CHN2: variants seen among roughly 807,000 people sequenced by gnomAD.
CHN2 encodes beta-chimaerin.
Under a neutral mutation model 56.3 loss-of-function variants are expected in CHN2, and 35 were observed. That is an observed-to-expected ratio of 0.62 (90% CI 0.47 to 0.82). CHN2 has a LOEUF of 0.82. Among genes scored for constraint, CHN2 ranks in the 40% least tolerant of loss-of-function variants. The pLI, the probability that CHN2 is intolerant of heterozygous loss-of-function variation, is 0.00. For synonymous variants in CHN2, 210 were observed against 212.8 expected (o/e 0.99, Z 0.12); for missense variants, 491 against 580.5 (o/e 0.85, Z 1.58).
At chr7:29,476,849 A>T (rs2128536681) in intron 6 of CHN2, among the ~76,000 whole-genome samples, 1 of 152,212 alleles carries the variant, frequency 6.6e-6, no homozygotes, top group Middle Eastern at 3.4e-3. Flanking sequence ...GGCCCAAAAG[A>T]CCATTCGTTC....
At chr7:29,208,005 A>G (rs1192951243) in intron 1 of CHN2, among the ~76,000 whole-genome samples, 2 of 152,228 alleles carry the variant, frequency 1.3e-5, no homozygotes, top group African/African-American at 4.8e-5. Context: ...GTTCACTGTA[A>G]GGAACCTAGT....
intron 6 of CHN2, among the ~76,000 whole-genome samples, chr7:29,453,524 C>G (rs7782537): frequency 0.12 from 18,687 of 152,106 alleles, 1,286 homozygotes; most frequent in South Asian, 0.2. Context: ...CTCTCCAGCT[C>G]TGAGAGAGAG....
intron 12 of CHN2, among the ~76,000 whole-genome samples, chr7:29,510,880 CAG>C (rs1264167879): frequency 6.6e-6 from 1 of 152,128 alleles, no homozygotes; most frequent in African/African-American, 2.4e-5. Context: ...GTGTGGGAGA[CAG>C]AGATGGAGAC....
chr7:29,288,664 G>C (rs1435358012), intron 1 of CHN2, among the ~76,000 whole-genome samples: 1 of 152,194 alleles, frequency 6.6e-6, no homozygotes, highest in Admixed American at 6.5e-5. Flanking sequence ...AGCACACAGA[G>C]AGGAACAATA....
chr7:29,202,988 A>T (rs568107991), intron 1 of CHN2, among the ~76,000 whole-genome samples: 2 of 152,142 alleles, frequency 1.3e-5, no homozygotes, highest in South Asian at 4.1e-4. Context: ...CAAGACCTAG[A>T]CCTGCACAGT....
intron 4 of CHN2, among the ~76,000 whole-genome samples, chr7:29,394,362 A>G (rs181779676): frequency 6.6e-6 from 1 of 152,344 alleles, no homozygotes; most frequent in African/African-American, 2.4e-5. Flanking sequence ...AGAACGGGCC[A>G]GGGGAGAGGA....
intron 4 of CHN2, among the ~76,000 whole-genome samples, chr7:29,393,931 T>G (rs949162771): frequency 1.3e-5 from 2 of 152,154 alleles, no homozygotes; most frequent in Admixed American, 1.3e-4. Flanking sequence ...TTGCGCTACT[T>G]TTCCCTCCAC....
intron 1 of CHN2, among the ~76,000 whole-genome samples, chr7:29,217,900 C>T (rs572802694): frequency 1.3e-5 from 2 of 152,164 alleles, no homozygotes; most frequent in East Asian, 3.9e-4. Context: ...TTTGAAGGAA[C>T]TGAGAGTAGA....
chr7:29,287,421 T>TA (rs1329898862), intron 1 of CHN2, among the ~76,000 whole-genome samples: 12 of 152,196 alleles, frequency 7.9e-5, no homozygotes, highest in Admixed American at 2.0e-4. Context: ...TTCTGCCACT[T>TA]ACAAATGTGG....
intron 3 of CHN2, chr7:29,376,225 G>C (rs1014051831): frequency 6.6e-6 from 1 of 152,202 alleles, no homozygotes; most frequent in South Asian, 2.1e-4. Flanking sequence ...AGAAATGACA[G>C]CTATCACATA....
At chr7:29,332,270 G>T (rs1313445932) in intron 1 of CHN2, among the ~76,000 whole-genome samples, 4 of 152,118 alleles carry the variant, frequency 2.6e-5, no homozygotes, top group African/African-American at 9.7e-5. Flanking sequence ...TTAAAGTAGG[G>T]AAAATGATCG....
At chr7:29,463,393 A>G (rs1292878665) in intron 6 of CHN2, among the ~76,000 whole-genome samples, 1 of 152,064 alleles carries the variant, frequency 6.6e-6, no homozygotes, top group African/African-American at 2.4e-5. Flanking sequence ...CTGCAACCAC[A>G]CAAGTATGCC....
At chr7:29,317,895 G>T (rs1022943557) in intron 1 of CHN2, among the ~76,000 whole-genome samples, 6 of 152,146 alleles carry the variant, frequency 3.9e-5, no homozygotes, top group Non-Finnish European at 7.4e-5. Context: ...GAGGAGGGAG[G>T]ATGGCTTGAG....
At chr7:29,508,930 G>A (rs111938358) in intron 11 of CHN2, among the ~76,000 whole-genome samples, 72 of 149,824 alleles carry the variant, frequency 4.8e-4, no homozygotes, top group African/African-American at 1.6e-3. Flanking sequence ...CGTATGTGGT[G>A]CAGTTTAAAT....
At chr7:29,478,827 G>A (rs959267011) in intron 6 of CHN2, among the ~76,000 whole-genome samples, 4 of 152,180 alleles carry the variant, frequency 2.6e-5, no homozygotes, top group South Asian at 2.1e-4. Flanking sequence ...AAAATTGGGT[G>A]TTATTATTGA....
intron 11 of CHN2, among the ~76,000 whole-genome samples, chr7:29,508,934 T>C (rs534983159): frequency 3.3e-5 from 5 of 149,698 alleles, no homozygotes; most frequent in Admixed American, 6.6e-5. Flanking sequence ...TGTGGTGCAG[T>C]TTAAATTAAA....
intron 3 of CHN2, among the ~76,000 whole-genome samples, chr7:29,374,529 G>C (rs1245819750): frequency 6.6e-6 from 1 of 152,068 alleles, no homozygotes; most frequent in South Asian, 2.1e-4. Context: ...ATCCCCGCAA[G>C]TATGCACCTA....
intron 6 of CHN2, among the ~76,000 whole-genome samples, chr7:29,415,574 C>T (rs1445477474): frequency 6.6e-6 from 1 of 152,012 alleles, no homozygotes; most frequent in East Asian, 1.9e-4. Context: ...GGGCCAGCCT[C>T]GGGACACAGT....
intron 2 of CHN2, among the ~76,000 whole-genome samples, chr7:29,358,453 A>C (rs1010487986): frequency 1.3e-5 from 2 of 151,830 alleles, no homozygotes; most frequent in South Asian, 4.2e-4. Flanking sequence ...ATGATGATTT[A>C]TTTATTTATT....
Sources: allele counts gnomAD v4.1 joint callset (sites outside exome capture counted in the v4.1 genomes callset), GRCh38; gene constraint gnomAD v4.1.1; transcripts MANE v1.5; gene names NCBI Gene and HGNC (gene_info 2026-07-23, HGNC 2026-07-21).